The following VTI1A variants were observed in gnomAD, a reference collection of about 807,000 sequenced individuals.
VTI1A encodes vesicle transport through interaction with t-SNAREs 1A, also known as vesicle transport through interaction with t-SNAREs homolog 1A.
In VTI1A, 22 loss-of-function variants were observed where a neutral mutation model predicts 34.9. The ratio of observed to expected loss-of-function variants is 0.63; its 90% CI spans 0.45 to 0.90. The LOEUF is 0.90. Ranked by LOEUF, VTI1A falls within the 40% of genes least tolerant of loss-of-function variation. The pLI is 0.00. For missense variants in VTI1A, 268 were observed against 275.6 expected, an observed-to-expected ratio of 0.97 and a Z score of 0.20; for synonymous variants, 87 against 97.3, an observed-to-expected ratio of 0.89 and a Z score of 0.62.
intron 7 of VTI1A, among the ~76,000 whole-genome samples, chr10:112,735,200 CA>C (rs1850410246): frequency 6.6e-6 from 1 of 151,982 alleles, no homozygotes; most frequent in South Asian, 2.1e-4. Flanking sequence ...ATGCAGTTGC[CA>C]AAAATCTCTC....
chr10:112,448,115 G>A (rs1269795443), intron 1 of VTI1A, among the ~76,000 whole-genome samples: 1 of 152,036 alleles, frequency 6.6e-6, no homozygotes, highest in Non-Finnish European at 1.5e-5. Flanking sequence ...AGTAAATGGG[G>A]GAAAATTGTA....
intron 5 of VTI1A, among the ~76,000 whole-genome samples, chr10:112,615,788 T>C (rs1468603061): frequency 1.3e-5 from 2 of 152,022 alleles, no homozygotes. Context: ...GAGATGGGAA[T>C]AGCCCACTAA....
intron 7 of VTI1A, among the ~76,000 whole-genome samples, chr10:112,726,999 T>G (rs1850054022): frequency 6.6e-6 from 1 of 152,196 alleles, no homozygotes; most frequent in African/African-American, 2.4e-5. Context: ...TAAAAAAATT[T>G]ATAGCAATTT....
the VTI1A span, chr10:112,825,936 G>A: frequency 1.3e-5 from 2 of 152,208 alleles, no homozygotes; most frequent in Non-Finnish European, 2.9e-5. Context: ...TAAAAGTCAT[G>A]CTAATAATTT....
At chr10:112,504,914 G>A (rs956823165) in intron 3 of VTI1A, among the ~76,000 whole-genome samples, 1 of 151,532 alleles carries the variant, frequency 6.6e-6, no homozygotes, top group African/African-American at 2.4e-5. Flanking sequence ...TTCAGAAACC[G>A]TTCTTATGCT....
intron 3 of VTI1A, among the ~76,000 whole-genome samples, chr10:112,487,018 A>G (rs1326507705): frequency 6.6e-6 from 1 of 152,192 alleles, no homozygotes; most frequent in Non-Finnish European, 1.5e-5. Flanking sequence ...TACTATCACT[A>G]TTTAAAGGGA....
chr10:112,812,072 G>T (rs1213134), intron 7 of VTI1A, among the ~76,000 whole-genome samples: 1 of 152,014 alleles, frequency 6.6e-6, no homozygotes, highest in East Asian at 1.9e-4. Context: ...TTGATGTTTC[G>T]GGCCCACATT....
chr10:112,637,217 T>G (rs1219057170), intron 5 of VTI1A, among the ~76,000 whole-genome samples: 1 of 152,258 alleles, frequency 6.6e-6, no homozygotes, highest in African/African-American at 2.4e-5. Flanking sequence ...AACAGTTTAC[T>G]TTTATGATGT....
At chr10:112,468,191 G>A (rs1847963946) in intron 3 of VTI1A, among the ~76,000 whole-genome samples, 1 of 152,164 alleles carries the variant, frequency 6.6e-6, no homozygotes, top group Non-Finnish European at 1.5e-5. Flanking sequence ...ACTCTGGGTT[G>A]CAGAAAGGCC....
At chr10:112,666,831 T>C (rs999686426) in intron 5 of VTI1A, among the ~76,000 whole-genome samples, 3 of 152,188 alleles carry the variant, frequency 2.0e-5, no homozygotes, top group Admixed American at 2.0e-4. Context: ...TAAATGCTTA[T>C]TATTGTTGTA....
chr10:112,798,628 C>T (rs993986075), intron 7 of VTI1A, among the ~76,000 whole-genome samples: 1 of 152,184 alleles, frequency 6.6e-6, no homozygotes, highest in African/African-American at 2.4e-5. Context: ...TACTCCTTGG[C>T]AACTAGTTTT....
chr10:112,534,586 T>C (rs188752008), intron 4 of VTI1A, among the ~76,000 whole-genome samples: 70 of 152,256 alleles, frequency 4.6e-4, no homozygotes, highest in African/African-American at 1.6e-3. Flanking sequence ...TCTTTGAATT[T>C]AAGATGCATT....
At chr10:112,798,832 T>C (rs1852767013) in intron 7 of VTI1A, among the ~76,000 whole-genome samples, 1 of 152,190 alleles carries the variant, frequency 6.6e-6, no homozygotes, top group African/African-American at 2.4e-5. Context: ...AAGAGAGACC[T>C]CTGGCTTTCC....
At chr10:112,521,191 G>GA (rs1438925562) in intron 3 of VTI1A, among the ~76,000 whole-genome samples, 1 of 151,976 alleles carries the variant, frequency 6.6e-6, no homozygotes, top group Non-Finnish European at 1.5e-5. Flanking sequence ...CTACATAGAA[G>GA]AAACAGATTG....
intron 5 of VTI1A, among the ~76,000 whole-genome samples, chr10:112,599,621 C>T (rs1336593345): frequency 6.6e-6 from 1 of 152,112 alleles, no homozygotes; most frequent in South Asian, 2.1e-4. Flanking sequence ...CACCTGTCTT[C>T]CAGGCAGGAG....
intron 7 of VTI1A, among the ~76,000 whole-genome samples, chr10:112,733,476 G>A (rs1850341651): frequency 1.3e-5 from 2 of 151,918 alleles, no homozygotes; most frequent in Admixed American, 1.3e-4. Context: ...TTTTGTGACT[G>A]GCTTCTTTCA....
chr10:112,682,620 C>G (rs551927888), intron 7 of VTI1A, among the ~76,000 whole-genome samples: 1 of 152,288 alleles, frequency 6.6e-6, no homozygotes, highest in East Asian at 1.9e-4. Flanking sequence ...AGAACTTTTG[C>G]TAAGCCTGGT....
intron 5 of VTI1A, among the ~76,000 whole-genome samples, chr10:112,657,326 T>C (rs1007664300): frequency 4.6e-5 from 7 of 152,222 alleles, no homozygotes; most frequent in Non-Finnish European, 8.8e-5. Context: ...AGTATATCTA[T>C]ACTTTCTTCT....
intron 7 of VTI1A, among the ~76,000 whole-genome samples, chr10:112,803,122 G>A (rs1380239496): frequency 6.6e-6 from 1 of 152,196 alleles, no homozygotes; most frequent in Non-Finnish European, 1.5e-5. Flanking sequence ...AGGCTGGAGT[G>A]TAATGGTTCA....
Sources: allele counts gnomAD v4.1 joint callset (sites outside exome capture counted in the v4.1 genomes callset), GRCh38; gene constraint gnomAD v4.1.1; transcripts MANE v1.5; gene names NCBI Gene and HGNC (gene_info 2026-07-23, HGNC 2026-07-21).